The following TSG101 variants were observed in gnomAD, a reference collection of about 807,000 sequenced individuals.
TSG101 encodes the protein tumor susceptibility 101, also known as tumor susceptibility gene 101 protein.
Under a neutral mutation model 48.5 loss-of-function variants are expected in TSG101, and 19 were observed. The observed-to-expected ratio is 0.39, with a 90% CI of 0.27 to 0.58. TSG101 has a LOEUF of 0.58. Ranked by LOEUF, TSG101 falls within the 20% of genes least tolerant of loss-of-function variation. The pLI is 0.55. For synonymous variants in TSG101, 174 were observed against 169.4 expected, an observed-to-expected ratio of 1.03 and a Z score of -0.21; for missense variants, 365 against 484.4, an observed-to-expected ratio of 0.75 and a Z score of 2.31.
intron 5 of TSG101, chr11:18,508,894 T>C (rs1850022552): frequency 6.6e-6 from 1 of 150,522 alleles, no homozygotes; most frequent in Admixed American, 6.6e-5. Context: ...AATGCAGATT[T>C]AGTAAATTCA....
intron 7 of TSG101, among the ~76,000 whole-genome samples, chr11:18,486,953 T>G (rs1849628546): frequency 6.6e-6 from 1 of 151,272 alleles, no homozygotes; most frequent in Admixed American, 6.6e-5. Flanking sequence ...AAATGATGAG[T>G]TCATGTCCTT....
chr11:18,516,150 T>A lies in TSG101; in HGVS notation c.142A>T (p.Ser48Cys), dbSNP rs771235956. 2 of 1,613,802 alleles carry A rather than the reference T, an allele frequency of 1.2e-6. No homozygotes were observed. Among genetic ancestry groups the A allele is most frequent in the East Asian group, 4.5e-5 (2 of 44,872 alleles). ...GTGAGGTTCATTAGTTCCCTGGAAC[T>A]GCCATCGTTAAAAACTGAAAGGAAA... ...VLDSYVFNDG[S>C]SRELMNLTGT... Residue 48 changes from serine (S) to cysteine (C), a missense_variant, in exon 3 of 10, where the codon AGT (serine) becomes TGT (cysteine). Physicochemically the swap from Ser to Cys is moderately radical, Grantham distance 112 (BLOSUM62 -1). Transcript: ENST00000251968.
intron 7 of TSG101, among the ~76,000 whole-genome samples, chr11:18,496,333 T>G (rs1358226466): frequency 6.6e-6 from 1 of 150,960 alleles, no homozygotes; most frequent in Non-Finnish European, 1.5e-5. Context: ...TCTCAGCTAC[T>G]CAGGATGCTG....
chr11:18,490,772 G>A, intron 7 of TSG101: 1 of 517,592 alleles, frequency 1.9e-6, no homozygotes, highest in Non-Finnish European at 3.9e-6. Context: ...CAATGCTGGA[G>A]AAGACATGCC....
chr11:18,482,407 A>T (rs1410889620), intron 8 of TSG101, among the ~76,000 whole-genome samples: 2 of 152,206 alleles, frequency 1.3e-5, no homozygotes, highest in Non-Finnish European at 2.9e-5. Flanking sequence ...TCATTTTACA[A>T]TCTAGAACCA....
intron 3 of TSG101, 97 bp downstream of exon 3, chr11:18,516,002 C>G (rs1451600889): frequency 4.8e-6 from 5 of 1,037,718 alleles, no homozygotes; most frequent in African/African-American, 3.2e-5. Context: ...GCATCAAAGC[C>G]CTGAGAAAGT....
At chr11:18,499,300 TTATATATTTATTTA>T (rs1271194113) in intron 7 of TSG101, among the ~76,000 whole-genome samples, 2 of 126,178 alleles carry the variant, frequency 1.6e-5, no homozygotes, top group African/African-American at 2.9e-5. Context: ...ATATTTATAT[TTATATATTTATTTA>T]TATATATTTA....
chr11:18,525,473 G>C (rs1280807890), intron 1 of TSG101, among the ~76,000 whole-genome samples: 1 of 150,700 alleles, frequency 6.6e-6, no homozygotes, highest in African/African-American at 2.5e-5. Flanking sequence ...TTGAACCTGG[G>C]AGGCGGAGAT....
At chr11:18,504,197 T>G (rs116419506) in intron 6 of TSG101, among the ~76,000 whole-genome samples, 2,366 of 101,222 alleles carry the variant, frequency 0.023, 61 homozygotes, top group African/African-American at 0.091. Context: ...GAAGCCCCCA[T>G]CTCAAAAAAA....
chr11:18,506,630 C>T (rs1020439163), intron 6 of TSG101, among the ~76,000 whole-genome samples: 1 of 151,772 alleles, frequency 6.6e-6, no homozygotes, highest in Non-Finnish European at 1.5e-5. Context: ...GTAGAGGTTG[C>T]AGTGAGCCGA....
intron 3 of TSG101, among the ~76,000 whole-genome samples, chr11:18,515,069 A>G (rs1850149472): frequency 6.6e-6 from 1 of 152,084 alleles, no homozygotes; most frequent in Non-Finnish European, 1.5e-5. Flanking sequence ...CAATGCTGAT[A>G]CTCAATTAAC....
chr11:18,516,303 ATAAC>A, intron 2 of TSG101, 139 bp from the exon 3 acceptor site: 1 of 642,838 alleles, frequency 1.6e-6, no homozygotes, highest in African/African-American at 1.8e-5. Flanking sequence ...ATCCTGTCCA[ATAAC>A]TAACAATTCT....
chr11:18,525,522 G>A lies in TSG101; in HGVS notation c.42+1253C>T, dbSNP rs144263540. On this transcript the variant is annotated intron_variant, in intron 1 of 9. Coordinates refer to ENST00000251968, the MANE Select transcript of TSG101 (RefSeq NM_006292.4). ...GATCGTGCCACTGCACTCCAGCCTG[G>A]GTGACAGAGCAAGACTCTAAAAAAA... The A allele has an allele frequency of 6.8e-3, 1,725 of 255,526 alleles. 24 individuals carry two copies. Among genetic ancestry groups the A allele is most frequent in the Middle Eastern group, 0.04 (20 of 502 alleles). The allele number at this position is 255,526 out of a possible 1,614,324, so 15.8% of individuals were successfully genotyped here. A position where few individuals can be genotyped will look rare whatever the true frequency, so the allele number is the denominator to read the frequency against.
intron 8 of TSG101, 65 bp from the exon 9 acceptor site, chr11:18,481,934 A>G (rs1849547684): frequency 6.3e-7 from 1 of 1,574,932 alleles, no homozygotes; most frequent in African/African-American, 1.4e-5. Context: ...GACACCTACA[A>G]CACTTCACAG....
intron 6 of TSG101, among the ~76,000 whole-genome samples, chr11:18,505,158 T>A (rs1401352655): frequency 6.6e-6 from 1 of 152,204 alleles, no homozygotes; most frequent in East Asian, 1.9e-4. Context: ...ATGAGGATTA[T>A]GACTGGGTTA....
chr11:18,521,171 G>A (rs570310461), intron 1 of TSG101, among the ~76,000 whole-genome samples: 5 of 152,022 alleles, frequency 3.3e-5, no homozygotes, highest in Admixed American at 6.5e-5. Context: ...GATGCTCAAC[G>A]TCTAGAGACC....
At chr11:18,493,527 C>G (rs913589219) in intron 7 of TSG101, among the ~76,000 whole-genome samples, 3 of 152,112 alleles carry the variant, frequency 2.0e-5, no homozygotes, top group African/African-American at 7.2e-5. Context: ...CACCCTTAAT[C>G]AGCAAAAGTA....
intron 6 of TSG101, among the ~76,000 whole-genome samples, chr11:18,506,502 C>T (rs563003135): frequency 2.0e-5 from 3 of 151,768 alleles, no homozygotes; most frequent in Non-Finnish European, 2.9e-5. Flanking sequence ...ACCAGCCTGG[C>T]CAACATGGTG....
At chr11:18,519,690 T>A in intron 1 of TSG101, 87 bp from the exon 2 acceptor site, 1 of 974,478 alleles carries the variant, frequency 1.0e-6, no homozygotes, top group Non-Finnish European at 1.6e-6. Context: ...TCTCTTCCAC[T>A]AATTGTTAAC....
Sources: gnomAD v4.1 joint callset for allele counts (sites outside exome capture counted in the v4.1 genomes callset) on GRCh38, gnomAD v4.1.1 for gene constraint, MANE v1.5 for transcripts, NCBI Gene and HGNC (gene_info 2026-07-23, HGNC 2026-07-21) for gene names.